CTNNA1: variants seen among roughly 807,000 people sequenced by gnomAD.
CTNNA1 encodes catenin alpha 1.
Under a neutral mutation model 98.4 loss-of-function variants are expected in CTNNA1, and 37 were observed. The ratio of observed to expected loss-of-function variants is 0.38; its 90% CI spans 0.29 to 0.49. CTNNA1 has a LOEUF of 0.49. CTNNA1 is among the 20% of genes least tolerant of loss of function. The pLI, the probability that CTNNA1 is intolerant of heterozygous loss-of-function variation, is 0.95. For synonymous variants in CTNNA1, 404 were observed against 413.2 expected (o/e 0.98, Z 0.27); for missense variants, 761 against 1,147.2 (o/e 0.66, Z 4.86).
chr5:138,859,627 A>G (rs1396727183), intron 7 of CTNNA1, among the ~76,000 whole-genome samples: 1 of 152,234 alleles, frequency 6.6e-6, no homozygotes, highest in Non-Finnish European at 1.5e-5. Context: ...TTAAAATGCT[A>G]GTTACAAATA....
At chr5:138,846,685 G>A (rs776767155) in intron 7 of CTNNA1, among the ~76,000 whole-genome samples, 5 of 151,912 alleles carry the variant, frequency 3.3e-5, no homozygotes, top group African/African-American at 4.8e-5. Context: ...CAAACTAATG[G>A]CCTACAATTT....
At chr5:138,772,272 G>C (rs886571292) in intron 1 of CTNNA1, among the ~76,000 whole-genome samples, 7 of 152,200 alleles carry the variant, frequency 4.6e-5, no homozygotes, top group African/African-American at 1.4e-4. Context: ...ATAAGGTAAT[G>C]AAGACCAGAT....
At chr5:138,851,559 A>G (rs1398896016) in intron 7 of CTNNA1, among the ~76,000 whole-genome samples, 1 of 151,482 alleles carries the variant, frequency 6.6e-6, no homozygotes, top group African/African-American at 2.4e-5. Context: ...GGAGTTTGAG[A>G]CCAGCCTGGC....
rs990490186 is a variant in CTNNA1 at position 138,756,967 on chromosome 5, G to T, written c.-3+3457G>T. 8.6e-5 allele frequency among the ~76,000 whole-genome samples: 13 copies of T among 151,802 alleles called. 1 individual carries two copies. The highest frequency in any genetic ancestry group is 2.0e-4 in the Admixed American group (3 of 15,240). ...TAATCCTGTTTTTTTGGGAGGCTGAGTTGGGAGGATCACTTGAAGCTAGGA... is the reference window on the plus strand; with the variant it reads ...TAATCCTGTTTTTTTGGGAGGCTGATTTGGGAGGATCACTTGAAGCTAGGA... On this transcript the variant is annotated intron_variant, in intron 1 of 17. Transcript: ENST00000302763.
chr5:138,914,953 C>G (rs1761419780), intron 10 of CTNNA1, among the ~76,000 whole-genome samples: 1 of 152,070 alleles, frequency 6.6e-6, no homozygotes, highest in African/African-American at 2.4e-5. Context: ...CGAGACCATC[C>G]TGGCTAACAC....
At chr5:138,915,991 G>C (rs1361963753) in intron 10 of CTNNA1, among the ~76,000 whole-genome samples, 1 of 152,162 alleles carries the variant, frequency 6.6e-6, no homozygotes, top group African/African-American at 2.4e-5. Context: ...GGAGGTTGCA[G>C]TGAGCTGAGA....
chr5:138,851,963 G>A (rs761493321), intron 7 of CTNNA1, among the ~76,000 whole-genome samples: 2 of 151,806 alleles, frequency 1.3e-5, no homozygotes, highest in East Asian at 1.9e-4. Flanking sequence ...CCAGCTACTC[G>A]GAAGGCTGAG....
chr5:138,772,046 A>G (rs1753612011), intron 1 of CTNNA1, among the ~76,000 whole-genome samples: 1 of 152,216 alleles, frequency 6.6e-6, no homozygotes, highest in South Asian at 2.1e-4. Context: ...TTATAAGTGA[A>G]TGCTGAACAT....
In CTNNA1 at chr5:138,934,147, G is replaced by C; in HGVS notation, c.*58G>C. Reference sequence around the variant, plus strand: ...GGCTCCTGAATATCAGTCACTGTTCGTCACTCAAATGAATTTGCTAAATAC... The same window carrying C: ...GGCTCCTGAATATCAGTCACTGTTCCTCACTCAAATGAATTTGCTAAATAC... On this transcript the variant is annotated 3_prime_UTR_variant, in exon 18 of 18. Coordinates refer to ENST00000302763, the MANE Select transcript of CTNNA1 (RefSeq NM_001903.5). The C allele has an allele frequency of 7.4e-7, 1 of 1,346,564 alleles. No individual in the cohort carries two copies. Among genetic ancestry groups the C allele is most frequent in the South Asian group, 1.3e-5 (1 of 78,324 alleles). The allele number at this position is 1,346,564 out of a possible 1,614,324, so 83.4% of individuals were successfully genotyped here. A position where few individuals can be genotyped will look rare whatever the true frequency, so the allele number is the denominator to read the frequency against.
intron 10 of CTNNA1, among the ~76,000 whole-genome samples, chr5:138,910,229 T>TC (rs1760288714): frequency 1.1e-5 from 1 of 92,254 alleles, no homozygotes; most frequent in Non-Finnish European, 2.3e-5. Flanking sequence ...TACTTTTCTT[T>TC]TTTTTTTTTT....
chr5:138,756,274 A>G (rs895087410), intron 1 of CTNNA1, among the ~76,000 whole-genome samples: 5 of 151,870 alleles, frequency 3.3e-5, no homozygotes, highest in Admixed American at 1.3e-4. Flanking sequence ...TGACCTCGTG[A>G]TCCACCTCGG....
At chr5:138,758,871 G>T (rs1407369700) in intron 1 of CTNNA1, among the ~76,000 whole-genome samples, 1 of 151,254 alleles carries the variant, frequency 6.6e-6, no homozygotes, top group Non-Finnish European at 1.5e-5. Context: ...GCAATGGCGT[G>T]ATCTTGGCTC....
intron 7 of CTNNA1, among the ~76,000 whole-genome samples, chr5:138,876,086 AC>A (rs1357205306): frequency 1.3e-5 from 2 of 151,936 alleles, no homozygotes; most frequent in Admixed American, 6.5e-5. Context: ...GCAGGTTGAT[AC>A]AGTCATTTTA....
intron 7 of CTNNA1, among the ~76,000 whole-genome samples, chr5:138,853,178 C>G (rs1378213126): frequency 6.6e-6 from 1 of 151,728 alleles, no homozygotes; most frequent in Non-Finnish European, 1.5e-5. Context: ...AACTCCTGAC[C>G]TGAAGTTATC....
chr5:138,812,060 G>T (rs1019479484), intron 4 of CTNNA1, 123 bp from the exon 5 acceptor site: 1 of 781,388 alleles, frequency 1.3e-6, no homozygotes, highest in Non-Finnish European at 2.1e-6. Context: ...GCGCAAACTC[G>T]AGAGCTAAGT....
intron 3 of CTNNA1, among the ~76,000 whole-genome samples, chr5:138,788,336 C>T (rs949025167): frequency 3.2e-4 from 49 of 152,138 alleles, no homozygotes; most frequent in African/African-American, 1.2e-3. Context: ...AGAGAAAATG[C>T]TTTTTTCTCG....
intron 1 of CTNNA1, among the ~76,000 whole-genome samples, chr5:138,774,887 G>A (rs1753928407): frequency 6.6e-6 from 1 of 152,140 alleles, no homozygotes; most frequent in Non-Finnish European, 1.5e-5. Flanking sequence ...GGGATTACAG[G>A]CATGAGCCAC....
chr5:138,933,099 A>T, intron 17 of CTNNA1: 3 of 666,918 alleles, frequency 4.5e-6, no homozygotes, highest in Non-Finnish European at 5.4e-6. Flanking sequence ...GCACCACTGC[A>T]CTCCCGTCTG....
At chr5:138,868,936 A>G (rs1316333702) in intron 7 of CTNNA1, 1 of 152,168 alleles carries the variant, frequency 6.6e-6, no homozygotes, top group Non-Finnish European at 1.5e-5. Flanking sequence ...TTTTTACAGT[A>G]TACACAATTT....
Sources: allele counts gnomAD v4.1 joint callset (sites outside exome capture counted in the v4.1 genomes callset), GRCh38; gene constraint gnomAD v4.1.1; transcripts MANE v1.5; gene names NCBI Gene and HGNC (gene_info 2026-07-23, HGNC 2026-07-21).